The following R3HDM1 variants were observed in gnomAD, a reference collection of about 807,000 sequenced individuals.
R3HDM1 encodes R3H domain-containing protein 1.
R3HDM1 carries 46 observed loss-of-function variants against 141.1 expected under a neutral mutation model. The ratio of observed to expected loss-of-function variants is 0.33; its 90% CI spans 0.26 to 0.42. R3HDM1 has a LOEUF of 0.42. R3HDM1 is among the 10% of genes least tolerant of loss of function. The probability of loss-of-function intolerance (pLI) is 1.00; values close to 1 mark genes in which losing one functional copy is unlikely to be tolerated. For missense variants in R3HDM1, 1,184 were observed against 1,368.3 expected, an observed-to-expected ratio of 0.87 and a Z score of 2.12; for synonymous variants, 435 against 472.9, an observed-to-expected ratio of 0.92 and a Z score of 1.04.
chr2:135,544,609 A>G (rs1310732185), intron 1 of R3HDM1, among the ~76,000 whole-genome samples: 2 of 152,234 alleles, frequency 1.3e-5, no homozygotes, highest in Non-Finnish European at 1.5e-5. Flanking sequence ...CACTCACCCT[A>G]ATCCCACTAT....
rs114682160 is a variant in R3HDM1, at chr2:135,688,664, C to T, written c.2459+8340C>T. Among the ~76,000 whole-genome samples, 566 of 152,250 alleles carry T rather than the reference C, an allele frequency of 3.7e-3. 4 individuals carry two copies. The highest frequency in any genetic ancestry group is 0.013 in the African/African-American group (539 of 41,542). On this transcript the variant is annotated intron_variant, in intron 21 of 26. Coordinates refer to ENST00000683871, the MANE Select transcript of R3HDM1 (RefSeq NM_001378107.1). ...AAGAAATACTGCGAAGGGCCAAGGA[C>T]GGTGGCTCATGGCTGTGATCCCAGC...
At chr2:135,594,524 T>A (rs749570771) in intron 1 of R3HDM1, among the ~76,000 whole-genome samples, 1 of 152,184 alleles carries the variant, frequency 6.6e-6, no homozygotes, top group Non-Finnish European at 1.5e-5. Flanking sequence ...AATGTTCGTG[T>A]TGGCCTTAAT....
At chr2:135,716,319 A>G (rs2076148269) in intron 24 of R3HDM1, among the ~76,000 whole-genome samples, 1 of 152,240 alleles carries the variant, frequency 6.6e-6, no homozygotes, top group African/African-American at 2.4e-5. Context: ...AACAGAAAAA[A>G]GAGATTATCC....
At chr2:135,616,581 A>C in intron 4 of R3HDM1, 87 bp from the exon 5 acceptor site, 2 of 1,148,204 alleles carry the variant, frequency 1.7e-6, no homozygotes, top group East Asian at 5.2e-5. Flanking sequence ...AGAAACTATA[A>C]AGAAACTTAG....
Position 135,631,707 on chromosome 2 carries a change from CT to C in R3HDM1, c.498-8del. On this transcript the variant is annotated splice_polypyrimidine_tract_variant and intron_variant, in intron 7 of 26. Coordinates refer to ENST00000683871, the MANE Select transcript of R3HDM1 (RefSeq NM_001378107.1). The stretch of plus-strand genomic sequence containing the variant: ...AGTTTTACATATAAGAGTCTTCATA[CT>C]TTGTTTCAGGGACAGAATGATGCTG... 6.4e-7 allele frequency: 1 copy of C among 1,559,030 alleles called. No individual in the cohort carries two copies. The highest frequency in any genetic ancestry group is 8.6e-7 in the Non-Finnish European group (1 of 1,158,990).
intron 1 of R3HDM1, among the ~76,000 whole-genome samples, chr2:135,549,010 A>G (rs2104920984): frequency 6.6e-6 from 1 of 152,326 alleles, no homozygotes; most frequent in South Asian, 2.1e-4. Flanking sequence ...GTTCTCAGTA[A>G]TAAGAGCAGG....
intron 21 of R3HDM1, among the ~76,000 whole-genome samples, chr2:135,691,608 C>T (rs758187412): frequency 6.6e-6 from 1 of 151,392 alleles, no homozygotes; most frequent in African/African-American, 2.4e-5. Context: ...AAAAAAAAAA[C>T]AGAAGTAAAG....
intron 18 of R3HDM1, among the ~76,000 whole-genome samples, chr2:135,654,542 A>G (rs887802618): frequency 6.6e-6 from 1 of 151,952 alleles, no homozygotes; most frequent in Non-Finnish European, 1.5e-5. Context: ...TCCGCCTGCC[A>G]TGTTCAAGCA....
At chr2:135,653,307 G>C (rs1009291184) in intron 18 of R3HDM1, among the ~76,000 whole-genome samples, 2 of 152,180 alleles carry the variant, frequency 1.3e-5, no homozygotes, top group Non-Finnish European at 2.9e-5. Context: ...AGTGAGCTGA[G>C]ATTGAGCCAC....
At chr2:135,595,253 T>TACCTGCACC (rs1710372090) in intron 1 of R3HDM1, among the ~76,000 whole-genome samples, 1 of 152,228 alleles carries the variant, frequency 6.6e-6, no homozygotes, top group Non-Finnish European at 1.5e-5. Context: ...TAGCAAGCAC[T>TACCTGCACC]ACCTGCACCT....
chr2:135,674,543 T>C (rs181379115), intron 19 of R3HDM1, among the ~76,000 whole-genome samples: 3 of 152,318 alleles, frequency 2.0e-5, no homozygotes, highest in African/African-American at 7.2e-5. Flanking sequence ...GGAGACAAAA[T>C]ACAATTCGTA....
rs185151474 is a variant in R3HDM1 at position 135,648,336 on chromosome 2, A to T, written c.1624-1566A>T. On this transcript the variant is annotated intron_variant, in intron 16 of 26. Transcript: ENST00000683871. ...GTGTTGATTTTGTGGTAAAAGTGCA[A>T]CTCAAATCATTATTATCTATCTATG... Among the ~76,000 whole-genome samples, 38 of 152,172 alleles carry T rather than the reference A, an allele frequency of 2.5e-4. No individual in the cohort carries two copies. In the East Asian group the frequency reaches 6.4e-3, roughly 25 times the overall value.
At chr2:135,616,317 T>A in intron 4 of R3HDM1, 124 bp downstream of exon 4, 1 of 983,716 alleles carries the variant, frequency 1.0e-6, no homozygotes, top group Non-Finnish European at 1.5e-6. Context: ...GCAGAAAGCT[T>A]ATTTTGTTTT....
At chr2:135,538,491 A>G (rs1696721493) in intron 1 of R3HDM1, among the ~76,000 whole-genome samples, 1 of 152,256 alleles carries the variant, frequency 6.6e-6, no homozygotes, top group Admixed American at 6.5e-5. Context: ...GAATTTTAAA[A>G]AATTTTTAAA....
At chr2:135,607,880 A>G (rs2060209460) in intron 3 of R3HDM1, 2 of 982,864 alleles carry the variant, frequency 2.0e-6, no homozygotes, top group Non-Finnish European at 2.4e-6. Flanking sequence ...GTAAACAAAC[A>G]TGGGTATGGT....
At chr2:135,637,696 A>G (rs1223339386) in intron 11 of R3HDM1, among the ~76,000 whole-genome samples, 1 of 152,176 alleles carries the variant, frequency 6.6e-6, no homozygotes, top group Non-Finnish European at 1.5e-5. Context: ...GGAAGTGAGG[A>G]AAGTTTAGGT....
rs1273440707 is a variant in R3HDM1 at position 135,721,946 on chromosome 2, T to C, written c.2904T>C (p.Leu968=). The stretch of plus-strand genomic sequence containing the variant: ...CAGGAGATTCCAGGTATCCATTACT[T>C]GGCCAGCCACTGCAGTACAATCCTC... ...PGQGDSRYPL[L]GQPLQYNPPA... Residue 968 remains leucine, a synonymous_variant, in exon 25 of 27, where the codon CTT becomes CTC. Transcript: ENST00000683871. 1 of 1,613,798 alleles carries C rather than the reference T, an allele frequency of 6.2e-7. No homozygotes were observed. Among genetic ancestry groups the C allele is most frequent in the Non-Finnish European group, 8.5e-7 (1 of 1,179,712 alleles).
At chr2:135,614,599 G>A (rs2060849489) in intron 3 of R3HDM1, among the ~76,000 whole-genome samples, 1 of 152,156 alleles carries the variant, frequency 6.6e-6, no homozygotes, top group Admixed American at 6.5e-5. Context: ...TTTAAGTCCA[G>A]CTTTTCTGCA....
intron 3 of R3HDM1, chr2:135,605,362 A>G (rs541688413): frequency 1.8e-5 from 3 of 169,876 alleles, no homozygotes; most frequent in African/African-American, 7.2e-5. Context: ...GACAAATAGA[A>G]TACAATAAAA....
Sources: gnomAD v4.1 joint callset for allele counts (sites outside exome capture counted in the v4.1 genomes callset) on GRCh38, gnomAD v4.1.1 for gene constraint, MANE v1.5 for transcripts, NCBI Gene and HGNC (gene_info 2026-07-23, HGNC 2026-07-21) for gene names.